DLG2: variants seen among roughly 807,000 people sequenced by gnomAD.
DLG2 encodes the protein discs large MAGUK scaffold protein 2.
In DLG2, 45 loss-of-function variants were observed where a neutral mutation model predicts 132.5. The ratio of observed to expected loss-of-function variants is 0.34; its 90% CI spans 0.27 to 0.44. The LOEUF is 0.44. DLG2 is among the 20% of genes least tolerant of loss of function. DLG2 has a pLI of 1.00. For synonymous variants in DLG2, 424 were observed against 419.6 expected (o/e 1.01, Z -0.13); for missense variants, 1,045 against 1,196.9 (o/e 0.87, Z 1.87).
At chr11:85,265,947 A>T (rs2077186037) in intron 4 of DLG2, among the ~76,000 whole-genome samples, 1 of 152,138 alleles carries the variant, frequency 6.6e-6, no homozygotes, top group Admixed American at 6.5e-5. Flanking sequence ...ATTTGACCAC[A>T]TTACCTCATT....
intron 6 of DLG2, among the ~76,000 whole-genome samples, chr11:84,644,724 T>C (rs1277901075): frequency 2.1e-5 from 3 of 143,704 alleles, no homozygotes; most frequent in African/African-American, 7.6e-5. Flanking sequence ...AAAAAAAAGA[T>C]GTCTTATGGG....
chr11:84,799,687 A>AT (rs1012250515), intron 6 of DLG2, among the ~76,000 whole-genome samples: 10 of 151,496 alleles, frequency 6.6e-5, no homozygotes, highest in African/African-American at 2.2e-4. Context: ...CTTCTTCATA[A>AT]TTTTTTTTTA....
chr11:84,871,954 C>T (rs903366124), intron 6 of DLG2, among the ~76,000 whole-genome samples: 8 of 152,132 alleles, frequency 5.3e-5, no homozygotes, highest in Admixed American at 2.0e-4. Flanking sequence ...GGATTTCAAG[C>T]GTGAGCCACC....
chr11:85,610,421 C>T (rs914308360), intron 2 of DLG2, among the ~76,000 whole-genome samples: 10 of 152,194 alleles, frequency 6.6e-5, no homozygotes, highest in Admixed American at 6.5e-4. Context: ...CTGTTCTGGA[C>T]CTCAAGGATG....
chr11:84,599,322 C>T (rs1183349122), intron 6 of DLG2, among the ~76,000 whole-genome samples: 1 of 152,148 alleles, frequency 6.6e-6, no homozygotes, highest in East Asian at 1.9e-4. Flanking sequence ...ACTATGAAAA[C>T]TGTGTCATAT....
chr11:85,393,055 G>A (rs1435970866), intron 3 of DLG2, among the ~76,000 whole-genome samples: 3 of 152,084 alleles, frequency 2.0e-5, no homozygotes, highest in African/African-American at 4.8e-5. Context: ...TAGAATAGGA[G>A]AAAATCTTCA....
intron 21 of DLG2, among the ~76,000 whole-genome samples, chr11:83,510,791 T>TGA (rs981690073): frequency 1.3e-5 from 2 of 148,548 alleles, no homozygotes; most frequent in African/African-American, 5.0e-5. Flanking sequence ...ATTTACAATG[T>TGA]GAGAGCATGT....
Position 84,138,063 on chromosome 11 carries a change from CA to C in DLG2, c.624+25397del, listed in dbSNP as rs749257295. 6.6e-5 allele frequency among the ~76,000 whole-genome samples: 10 copies of C among 152,224 alleles called. No homozygotes were observed. The East Asian group carries it at 1.7e-3, about 26-fold the overall frequency. On this transcript the variant is annotated intron_variant, in intron 9 of 27. Coordinates refer to ENST00000376104, the MANE Select transcript of DLG2 (RefSeq NM_001142699.3). ...AAATAGAAACACTGAAACCATAGAGCAAGTGGTTCTTTGTGAAATTTTGGAT... is the reference window on the plus strand; with the variant it reads ...AAATAGAAACACTGAAACCATAGAGCAGTGGTTCTTTGTGAAATTTTGGAT...
At chr11:83,725,245 G>A in intron 18 of DLG2, 1 of 231,598 alleles carries the variant, frequency 4.3e-6, no homozygotes, top group South Asian at 1.4e-4. Context: ...GCCTGGGGAG[G>A]CTGCTGAAGG....
intron 8 of DLG2, among the ~76,000 whole-genome samples, chr11:84,241,836 C>A (rs1169870187): frequency 6.6e-6 from 1 of 152,144 alleles, no homozygotes; most frequent in African/African-American, 2.4e-5. Context: ...ACCTGAGGTA[C>A]TTTTAAGAAC....
intron 7 of DLG2, among the ~76,000 whole-genome samples, chr11:84,315,060 G>A (rs1221950344): frequency 6.6e-6 from 1 of 152,124 alleles, no homozygotes; most frequent in African/African-American, 2.4e-5. Flanking sequence ...GAGGGAAAAT[G>A]TATAGAAATG....
At chr11:84,287,327 T>A (rs2097919296) in intron 7 of DLG2, among the ~76,000 whole-genome samples, 1 of 152,108 alleles carries the variant, frequency 6.6e-6, no homozygotes, top group South Asian at 2.1e-4. Flanking sequence ...TCGGGATGGT[T>A]ATATCCATTT....
chr11:85,558,714 C>T (rs112614405), intron 3 of DLG2, among the ~76,000 whole-genome samples: 1 of 151,758 alleles, frequency 6.6e-6, no homozygotes, highest in Admixed American at 6.6e-5. Flanking sequence ...ACCCCATGTT[C>T]TCACTTATAC....
intron 4 of DLG2, among the ~76,000 whole-genome samples, chr11:85,164,827 C>G (rs1255971533): frequency 6.6e-6 from 1 of 152,158 alleles, no homozygotes; most frequent in East Asian, 1.9e-4. Flanking sequence ...GAACCTATTT[C>G]TGCCTGAATG....
At chr11:83,934,338 ACT>A (rs1299821285) in intron 14 of DLG2, among the ~76,000 whole-genome samples, 1 of 151,872 alleles carries the variant, frequency 6.6e-6, no homozygotes, top group Admixed American at 6.6e-5. Context: ...TACCAGACTG[ACT>A]CTATCTTTAA....
chr11:84,945,265 C>T (rs760634498), intron 6 of DLG2, among the ~76,000 whole-genome samples: 9 of 152,168 alleles, frequency 5.9e-5, no homozygotes, highest in Admixed American at 1.3e-4. Flanking sequence ...CTGCACTAGG[C>T]GACACCCCAA....
At chr11:85,118,870 G>A (rs1029731194) in intron 5 of DLG2, among the ~76,000 whole-genome samples, 13 of 151,762 alleles carry the variant, frequency 8.6e-5, no homozygotes, top group Non-Finnish European at 1.8e-4. Flanking sequence ...AGGAATTATT[G>A]TAAGGATTAT....
intron 6 of DLG2, among the ~76,000 whole-genome samples, chr11:84,702,287 T>C (rs1596044748): frequency 6.6e-6 from 1 of 151,616 alleles, no homozygotes; most frequent in South Asian, 2.1e-4. Context: ...GCAGTAACAG[T>C]GGTTGACTCT....
intron 16 of DLG2, among the ~76,000 whole-genome samples, chr11:83,847,606 C>T (rs1340753539): frequency 6.6e-6 from 1 of 152,140 alleles, no homozygotes; most frequent in Non-Finnish European, 1.5e-5. Context: ...CCTGAGTGTC[C>T]TTGAAAACAG....
Sources: allele counts gnomAD v4.1 joint callset (sites outside exome capture counted in the v4.1 genomes callset), GRCh38; gene constraint gnomAD v4.1.1; transcripts MANE v1.5; gene names NCBI Gene and HGNC (gene_info 2026-07-23, HGNC 2026-07-21).